Variants in ZP3 observed in about 807,000 individuals in gnomAD.
The protein encoded by ZP3 is zona pellucida sperm-binding protein 3.
In ZP3, 21 loss-of-function variants were observed where a neutral mutation model predicts 35.6. That is an observed-to-expected ratio of 0.59 (90% confidence interval 0.42 to 0.85). ZP3 has a LOEUF of 0.85. Among genes scored for constraint, ZP3 ranks in the 40% least tolerant of loss-of-function variants. The pLI, the probability that ZP3 is intolerant of heterozygous loss-of-function variation, is 0.00. For missense variants in ZP3, 437 were observed against 536.5 expected (o/e 0.81, Z 1.83); for synonymous variants, 207 against 214.5 (o/e 0.96, Z 0.31).
intron 5 of ZP3, chr7:76,440,035 T>TG (rs1173842741): frequency 3.4e-6 from 2 of 582,656 alleles, no homozygotes; most frequent in African/African-American, 1.9e-5. Flanking sequence ...TTAGTAGCGA[T>TG]GGGGTTTCAC....
At chr7:76,423,031 GAAAGAA>G (rs1563695466), upstream of ZP3, among the ~76,000 whole-genome samples, 554 of 114,534 alleles carry the variant, frequency 4.8e-3, 19 homozygotes, top group Non-Finnish European at 7.7e-3. Context: ...GAGAGAGAAA[GAAAGAA>G]AGAAAGAAAG....
chr7:76,432,045 A>T (rs1178615196), intron 2 of ZP3, among the ~76,000 whole-genome samples: 2 of 152,064 alleles, frequency 1.3e-5, no homozygotes, highest in African/African-American at 2.4e-5. Context: ...TAAAAAAAAA[A>T]AGTCTTACTC....
At chr7:76,401,016 G>A (rs1217868494) in intron 1 of ZP3, 1 of 1,550,426 alleles carries the variant, frequency 6.4e-7, no homozygotes, top group African/African-American at 1.4e-5. Flanking sequence ...ACCTTGAAAG[G>A]GCAGTGGAGT....
exon 1 of ZP3, chr7:76,397,784 C>G: frequency 6.2e-7 from 1 of 1,609,922 alleles, no homozygotes; most frequent in Non-Finnish European, 8.5e-7. Context: ...GATCTCCACT[C>G]GGCCCTGACA....
At position 76,400,597 on chromosome 7, in the gene ZP3, A is replaced by G. The variant is rs1355143797; in HGVS notation, c.-67+2800A>G. ...GCCCCCCACCAGCCTCAGCTCTGTG[A>G]AGAGGGTGGAGCTGGCACCAGGGGG... On this transcript the variant is annotated intron_variant, in intron 1 of 8. Transcript: ENST00000336517. 6.2e-6 allele frequency: 9 copies of G among 1,455,470 alleles called. No homozygotes were observed. In the Admixed American group the frequency reaches 2.4e-4, roughly 39 times the overall value. 90.2% of individuals were successfully genotyped at this position (1,455,470 alleles called of 1,614,324 possible). A position where few individuals can be genotyped will look rare whatever the true frequency, so the allele number is the denominator to read the frequency against.
chr7:76,398,227 C>A (rs1017915675), intron 1 of ZP3, among the ~76,000 whole-genome samples: 3 of 151,862 alleles, frequency 2.0e-5, no homozygotes, highest in Non-Finnish European at 2.9e-5. Flanking sequence ...TCATTTTCTT[C>A]TTCTAGTCAT....
intron 1 of ZP3, among the ~76,000 whole-genome samples, chr7:76,419,088 G>C (rs552433896): frequency 1.1e-4 from 16 of 152,180 alleles, no homozygotes; most frequent in Non-Finnish European, 1.6e-4. Context: ...TCCTAGATGA[G>C]TGTCAGGATT....
intron 1 of ZP3, among the ~76,000 whole-genome samples, chr7:76,404,802 G>A (rs760476636): frequency 3.3e-5 from 5 of 152,032 alleles, no homozygotes; most frequent in Non-Finnish European, 7.4e-5. Context: ...GGCTGCGGTG[G>A]CTCATGCCTG....
intron 1 of ZP3, among the ~76,000 whole-genome samples, chr7:76,412,269 A>T (rs1372648751): frequency 6.6e-6 from 1 of 152,094 alleles, no homozygotes; most frequent in South Asian, 2.1e-4. Context: ...TCCCAAGGGC[A>T]TTATAATGAG....
chr7:76,400,497 G>T, intron 1 of ZP3: 1 of 1,600,542 alleles, frequency 6.2e-7, no homozygotes. Context: ...CGTCCACCAC[G>T]TCCCAGTCGT....
chr7:76,397,927 C>T, intron 1 of ZP3: 2 of 1,257,378 alleles, frequency 1.6e-6, no homozygotes, highest in Middle Eastern at 2.5e-4. Context: ...ATCTACAACC[C>T]TTGGGCATCT....
chr7:76,433,747 G>A, intron 4 of ZP3, 100 bp downstream of exon 4: 2 of 1,303,516 alleles, frequency 1.5e-6, no homozygotes, highest in Non-Finnish European at 2.1e-6. Context: ...AACCCAGGCT[G>A]GAATACAGAG....
intron 4 of ZP3, 133 bp downstream of exon 4, chr7:76,433,780 C>A: frequency 1.8e-6 from 2 of 1,106,136 alleles, no homozygotes; most frequent in Non-Finnish European, 2.6e-6. Context: ...CCCTCTGCAA[C>A]CTCTGCCTCC....
At chr7:76,406,246 G>A (rs1403074541) in intron 1 of ZP3, among the ~76,000 whole-genome samples, 1 of 152,116 alleles carries the variant, frequency 6.6e-6, no homozygotes. Context: ...CCAAAGTGCT[G>A]GGATTACAGG....
chr7:76,426,001 T>G (rs1283318202), intron 1 of ZP3, among the ~76,000 whole-genome samples: 2 of 151,252 alleles, frequency 1.3e-5, no homozygotes, highest in African/African-American at 4.9e-5. Context: ...GAGAATCGCT[T>G]GAACCCAGGA....
intron 1 of ZP3, among the ~76,000 whole-genome samples, chr7:76,415,092 G>A (rs1214932344): frequency 6.6e-6 from 1 of 151,322 alleles, no homozygotes; most frequent in Non-Finnish European, 1.5e-5. Context: ...GGTCTGGAAC[G>A]AGGCCCAGCG....
At chr7:76,423,859 C>CA (rs959173554), upstream of ZP3, among the ~76,000 whole-genome samples, 278 of 140,952 alleles carry the variant, frequency 2.0e-3, no homozygotes, top group Middle Eastern at 0.011. Flanking sequence ...GAGATTGTCT[C>CA]AAAAAAAAAA....
At chr7:76,404,515 A>G in intron 1 of ZP3, 1 of 1,608,998 alleles carries the variant, frequency 6.2e-7, no homozygotes, top group Non-Finnish European at 8.5e-7. Flanking sequence ...TCTGAAATTA[A>G]AGATCCCAAA....
At chr7:76,409,322 C>G (rs868321290) in intron 1 of ZP3, 1 of 47,716 alleles carries the variant, frequency 2.1e-5, no homozygotes, top group Non-Finnish European at 4.3e-5. Flanking sequence ...CTCTCTCTGT[C>G]TCACACACAC....
Sources: allele counts gnomAD v4.1 joint callset (sites outside exome capture counted in the v4.1 genomes callset), GRCh38; gene constraint gnomAD v4.1.1; transcripts MANE v1.5; gene names NCBI Gene and HGNC (gene_info 2026-07-23, HGNC 2026-07-21).